Variants in UNC80 observed in about 807,000 individuals in gnomAD.
UNC80 encodes the protein protein unc-80 homolog.
UNC80 carries 164 observed loss-of-function variants against 384.6 expected under a neutral mutation model. The ratio of observed to expected loss-of-function variants is 0.43; its 90% CI spans 0.38 to 0.49. The LOEUF (loss-of-function observed/expected upper bound fraction) is 0.49. Ranked by LOEUF, UNC80 falls within the 20% of genes least tolerant of loss-of-function variation. The probability of loss-of-function intolerance (pLI) is 0.00; values close to 1 mark genes in which losing one functional copy is unlikely to be tolerated. For synonymous variants in UNC80, 1,486 were observed against 1,527.8 expected, an observed-to-expected ratio of 0.97 and a Z score of 0.64; for missense variants, 3,330 against 4,143.0, an observed-to-expected ratio of 0.80 and a Z score of 5.39.
intron 59 of UNC80, 24 bp from the exon 60 acceptor site, chr2:209,982,155 A>G (rs1575217326): frequency 6.5e-7 from 1 of 1,545,474 alleles, no homozygotes; most frequent in Middle Eastern, 1.7e-4. Flanking sequence ...TTTTTGTAAC[A>G]CTCTATTCCT....
chr2:209,849,546 C>T lies in UNC80; in HGVS notation c.3550C>T (p.Arg1184Cys), dbSNP rs757342671. ...NLGAIRQGMK[R>C]FQFLLNCCEP... ...TGGAGCAATCCGACAAGGCATGAAA[C>T]GCTTCCAATTTCTGTTAAACTGCTG... is the stretch of plus-strand genomic sequence containing the variant. The change falls in exon 22 of 65, where the codon CGC becomes TGC. Residue 1184 changes from arginine to cysteine, a missense_variant. Physicochemically the swap from Arg to Cys is radical, Grantham distance 180. Transcript: ENST00000673920. 5.8e-6 allele frequency: 9 copies of T among 1,550,820 alleles called. No individual in the cohort carries two copies. The highest frequency in any genetic ancestry group is 4.1e-5 in the African/African-American group (3 of 72,948).
At chr2:209,940,855 A>G (rs2091583630) in intron 43 of UNC80, among the ~76,000 whole-genome samples, 1 of 152,176 alleles carries the variant, frequency 6.6e-6, no homozygotes, top group Non-Finnish European at 1.5e-5. Flanking sequence ...CTTCAGCTTC[A>G]GCAGTAGATA....
Position 209,921,625 on chromosome 2 carries a change from C to T in UNC80, c.5469C>T (p.Pro1823=), listed in dbSNP as rs369081881. The change falls in exon 34 of 65, where the codon CCC becomes CCT. Residue 1823 remains proline, a synonymous_variant. Transcript: ENST00000673920. ...GREASLITAI[P]ITQEACYEPT... ...AAGCCAGCCTCATCACTGCCATCCC[C>T]ATCACCCAGGAGGCTTGCTATGAGC... The T allele has an allele frequency of 7.7e-6, 12 of 1,551,574 alleles. No homozygotes were observed. In the Admixed American group the frequency reaches 9.8e-5, roughly 13 times the overall value.
At chr2:209,824,471 G>A (rs6727370) in intron 13 of UNC80, among the ~76,000 whole-genome samples, 5 of 152,036 alleles carry the variant, frequency 3.3e-5, no homozygotes, top group African/African-American at 9.7e-5. Flanking sequence ...CCCCAGGTGA[G>A]GCAAAGAGAC....
At chr2:209,890,363 G>A (rs2086218055) in intron 26 of UNC80, among the ~76,000 whole-genome samples, 1 of 152,128 alleles carries the variant, frequency 6.6e-6, no homozygotes, top group Non-Finnish European at 1.5e-5. Context: ...CAGCAATGTT[G>A]CTAAACACAT....
chr2:209,949,881 G>T (rs994514069), intron 47 of UNC80, among the ~76,000 whole-genome samples: 6 of 151,726 alleles, frequency 4.0e-5, no homozygotes, highest in Non-Finnish European at 5.9e-5. Flanking sequence ...AGGTTGGAGT[G>T]CAGTGTCACA....
rs1478689703 is a variant in UNC80 at position 209,976,324 on chromosome 2, C to T, written c.8772+21C>T. 5.2e-6 allele frequency: 8 copies of T among 1,551,456 alleles called. No homozygotes were observed. The highest frequency in any genetic ancestry group is 4.8e-5 in the South Asian group (4 of 84,016). ...GCAAGGTGTGGTGTGTGCTTCTCCTCCTGAAAGTGGCAAGCTCAAATGAAT... is the reference window on the plus strand; with the variant it reads ...GCAAGGTGTGGTGTGTGCTTCTCCTTCTGAAAGTGGCAAGCTCAAATGAAT... On this transcript the variant is annotated intron_variant, in intron 57 of 64. Transcript: ENST00000673920. This position sits in a 1 kb window ranked among gnomAD's most constrained non-coding sequence, Gnocchi z 4.3.
At chr2:209,796,939 C>T (rs1190388417) in intron 7 of UNC80, among the ~76,000 whole-genome samples, 1 of 152,192 alleles carries the variant, frequency 6.6e-6, no homozygotes, top group Non-Finnish European at 1.5e-5. Context: ...ATTTTCATCA[C>T]CCGAAAATGT....
In UNC80 at chr2:209,943,424, C is replaced by T. The variant is rs1247136719; in HGVS notation, c.6960C>T (p.Ile2320=). 8 of 1,552,062 alleles carry T rather than the reference C, an allele frequency of 5.2e-6. No individual in the cohort carries two copies. Among genetic ancestry groups the T allele is most frequent in the Admixed American group, 3.9e-5 (2 of 50,986 alleles). The part of the protein sequence containing the change: ...YESNPQLRQA[I]EFACHQFYIL... Reference sequence around the variant, plus strand: ...GCAATCCCCAGCTGCGTCAAGCCATCGAATTTGCCTGTCACCAGTTCTATA... The same window carrying T: ...GCAATCCCCAGCTGCGTCAAGCCATTGAATTTGCCTGTCACCAGTTCTATA... The change falls in exon 45 of 65, where the codon ATC becomes ATT. Residue 2320 remains isoleucine, a synonymous_variant. Transcript: ENST00000673920.
At position 209,933,911 on chromosome 2, in the gene UNC80, G is replaced by A. The variant is rs1183356773; in HGVS notation, c.6084G>A (p.Val2028=). 1.3e-6 allele frequency: 2 copies of A among 1,551,102 alleles called. No individual in the cohort carries two copies. Among genetic ancestry groups the A allele is most frequent in the Admixed American group, 3.9e-5 (2 of 50,958 alleles). Residue 2028 remains valine, a synonymous_variant, in exon 39 of 65, where the codon GTG becomes GTA. Coordinates refer to ENST00000673920, the MANE Select transcript of UNC80 (RefSeq NM_001371986.1). ...CCCTGACATTCCTGTGGGAGGTGGT[G>A]GGTTACGTGGAGGGCCTCTTCTTCA... is the stretch of plus-strand genomic sequence containing the variant. ...SATLTFLWEV[V]GYVEGLFFKD...
In UNC80 at chr2:209,995,418, C is replaced by T; in HGVS notation, c.9798C>T (p.Leu3266=). The T allele has an allele frequency of 1.9e-6, 3 of 1,551,968 alleles. No homozygotes were observed. In the Middle Eastern group the frequency reaches 5.0e-4, roughly 259 times the overall value. ...CACACAGTCCACTCTCTGCCCAACT[C>T]TCTGACCCTGATGACTTCACAGGCC... is the stretch of plus-strand genomic sequence containing the variant. ...ATAHSPLSAQ[L]SDPDDFTGLE... is the part of the protein sequence containing the mutation. Residue 3266 remains leucine (L), a synonymous_variant, in exon 65 of 65, where the codon CTC becomes CTT. Coordinates refer to ENST00000673920, the MANE Select transcript of UNC80 (RefSeq NM_001371986.1).
At chr2:209,915,769 G>A (rs6711347) in intron 31 of UNC80, among the ~76,000 whole-genome samples, 11,970 of 152,206 alleles carry the variant, frequency 0.079, 1,045 homozygotes, top group African/African-American at 0.21. Flanking sequence ...TAATGGGTAC[G>A]AACCTACAGT....
chr2:209,898,015 T>C (rs2086973888), intron 28 of UNC80, among the ~76,000 whole-genome samples: 1 of 152,148 alleles, frequency 6.6e-6, no homozygotes, highest in African/African-American at 2.4e-5. Flanking sequence ...GCAAAAAGAT[T>C]GTTTATAATA....
At chr2:209,833,764 G>A (rs2153828788) in intron 16 of UNC80, among the ~76,000 whole-genome samples, 1 of 152,300 alleles carries the variant, frequency 6.6e-6, no homozygotes, top group East Asian at 1.9e-4. Context: ...TCTGAATGAA[G>A]CACGATAACC....
intron 1 of UNC80, among the ~76,000 whole-genome samples, chr2:209,772,718 T>C (rs767147783): frequency 1.6e-4 from 24 of 152,338 alleles, no homozygotes; most frequent in Non-Finnish European, 3.1e-4. Context: ...ATTGTTATTT[T>C]AGAGATTTAT....
Position 209,880,998 on chromosome 2 carries a change from C to T in UNC80, c.4014C>T (p.Ala1338=), listed in dbSNP as rs1181277102. Residue 1338 remains alanine, a synonymous_variant, in exon 25 of 65, where the codon GCC becomes GCT. Coordinates refer to ENST00000673920, the MANE Select transcript of UNC80 (RefSeq NM_001371986.1). ...VNPSKCGCPF[A]LKMAACQLLL... is the part of the protein sequence containing the mutation. Reference sequence around the variant, plus strand: ...CCTCTAAATGCGGTTGCCCCTTTGCCTTGAAGATGGCAGCATGTCAGCTTC... The same window carrying T: ...CCTCTAAATGCGGTTGCCCCTTTGCTTTGAAGATGGCAGCATGTCAGCTTC... The T allele has an allele frequency of 3.9e-6, 6 of 1,552,064 alleles. No individual in the cohort carries two copies. The highest frequency in any genetic ancestry group is 3.6e-5 in the South Asian group (3 of 84,066).
At chr2:209,799,392 AG>A (rs2078389464) in intron 7 of UNC80, among the ~76,000 whole-genome samples, 3 of 152,178 alleles carry the variant, frequency 2.0e-5, no homozygotes, top group Admixed American at 2.0e-4. Context: ...GTTGGTGTAA[AG>A]GAATGCTTGT....
rs1392074924 is a variant in UNC80 at position 209,831,603 on chromosome 2, T to A, written c.2775+12T>A. The A allele has an allele frequency of 6.5e-7, 1 of 1,527,554 alleles. No individual in the cohort carries two copies. Among genetic ancestry groups the A allele is most frequent in the Non-Finnish European group, 8.8e-7 (1 of 1,135,768 alleles). The allele number at this position is 1,527,554 out of a possible 1,614,324, so 94.6% of individuals were successfully genotyped here. A position where few individuals can be genotyped will look rare whatever the true frequency, so the allele number is the denominator to read the frequency against. On this transcript the variant is annotated intron_variant, in intron 16 of 64. Transcript: ENST00000673920. ...GCCCTGAGAATCTGGTGAGAAGCTC[T>A]CCTCTCTTCCCACAGGAGCTCTCAG...
rs1225399766 is a variant in UNC80, at chr2:209,931,079, A to G, written c.5994+25A>G. ...GGTGAGTTATAAATGTTCATTTCCA[A>G]TTACGAAGCAGCACCATGATGAAAA... On this transcript the variant is annotated intron_variant, in intron 38 of 64. Coordinates refer to ENST00000673920, the MANE Select transcript of UNC80 (RefSeq NM_001371986.1). The G allele has an allele frequency of 3.4e-6, 5 of 1,481,416 alleles. No homozygotes were observed. In the South Asian group the frequency reaches 3.7e-5, roughly 11 times the overall value. 91.8% of individuals were successfully genotyped at this position (1,481,416 alleles called of 1,614,324 possible).
Sources: allele counts gnomAD v4.1 joint callset (sites outside exome capture counted in the v4.1 genomes callset), GRCh38; gene constraint gnomAD v4.1.1; non-coding constraint Gnocchi (gnomAD v3.1); transcripts MANE v1.5; gene names NCBI Gene and HGNC (gene_info 2026-07-23, HGNC 2026-07-21).